Variants in MRTFB observed in about 807,000 individuals in gnomAD.
MRTFB encodes myocardin related transcription factor B.
Under a neutral mutation model 104.2 loss-of-function variants are expected in MRTFB, and 29 were observed. That is an observed-to-expected ratio of 0.28 (90% CI 0.21 to 0.38). The LOEUF (loss-of-function observed/expected upper bound fraction) is 0.38, where lower values mean the gene tolerates loss of function less well. Ranked by LOEUF, MRTFB falls within the 10% of genes least tolerant of loss-of-function variation. The pLI is 1.00. For missense variants in MRTFB, 1,270 were observed against 1,341.6 expected (o/e 0.95, Z 0.83); for synonymous variants, 535 against 519.5 (o/e 1.03, Z -0.41).
intron 2 of MRTFB, among the ~76,000 whole-genome samples, chr16:14,085,038 A>G (rs1329943353): frequency 1.3e-5 from 2 of 152,226 alleles, no homozygotes; most frequent in East Asian, 1.9e-4. Flanking sequence ...CCAGCTACTC[A>G]GGAGAGTGAG....
intron 3 of MRTFB, among the ~76,000 whole-genome samples, chr16:14,159,757 G>A (rs1293987598): frequency 6.6e-6 from 1 of 151,030 alleles, no homozygotes; most frequent in Non-Finnish European, 1.5e-5. Flanking sequence ...GTGAAACCCC[G>A]TCTCTACTAA....
chr16:14,213,057 A>C (rs1398839247), intron 5 of MRTFB, among the ~76,000 whole-genome samples: 7 of 152,230 alleles, frequency 4.6e-5, no homozygotes, highest in Non-Finnish European at 1.0e-4. Flanking sequence ...ATGATTTCTT[A>C]CAGTCTTATA....
At chr16:14,228,723 G>A (rs916515708) in intron 8 of MRTFB, among the ~76,000 whole-genome samples, 32 of 152,160 alleles carry the variant, frequency 2.1e-4, no homozygotes, top group African/African-American at 6.8e-4. Flanking sequence ...ATATTTATAC[G>A]TTGGAATAGT....
At chr16:14,260,423 C>G (rs1164448579) in intron 16 of MRTFB, among the ~76,000 whole-genome samples, 4 of 151,700 alleles carry the variant, frequency 2.6e-5, no homozygotes, top group Non-Finnish European at 5.9e-5. Context: ...CTTCATGTCT[C>G]AGCACAAACT....
chr16:14,134,401 A>T (rs531792185), intron 2 of MRTFB, among the ~76,000 whole-genome samples: 2 of 152,384 alleles, frequency 1.3e-5, no homozygotes, highest in East Asian at 3.9e-4. Flanking sequence ...TATGTAGTGC[A>T]TCTACTACTG....
At chr16:14,211,728 C>A (rs1163128622) in intron 4 of MRTFB, among the ~76,000 whole-genome samples, 1 of 152,138 alleles carries the variant, frequency 6.6e-6, no homozygotes, top group African/African-American at 2.4e-5. Flanking sequence ...GTGAGTTGCA[C>A]TGTGGTATGG....
chr16:14,131,581 T>C (rs1383882543), intron 2 of MRTFB, among the ~76,000 whole-genome samples: 1 of 152,096 alleles, frequency 6.6e-6, no homozygotes, highest in Non-Finnish European at 1.5e-5. Flanking sequence ...TAGACTTACA[T>C]ATAATGAAAG....
At chr16:14,071,573 C>T (rs898042380) in intron 1 of MRTFB, among the ~76,000 whole-genome samples, 1 of 151,892 alleles carries the variant, frequency 6.6e-6, no homozygotes, top group African/African-American at 2.4e-5. Flanking sequence ...GGGCCGGTGC[C>T]TCCTTCAACC....
intron 16 of MRTFB, among the ~76,000 whole-genome samples, chr16:14,258,788 C>T (rs1286645705): frequency 6.6e-6 from 1 of 152,196 alleles, no homozygotes; most frequent in African/African-American, 2.4e-5. Context: ...AATGCTAAAG[C>T]ATTTTCTACA....
At chr16:14,068,237 G>A (rs902615442), upstream of MRTFB, among the ~76,000 whole-genome samples, 3 of 152,162 alleles carry the variant, frequency 2.0e-5, no homozygotes, top group African/African-American at 7.2e-5. Context: ...TCCACCCATG[G>A]TAATAACAGC....
chr16:14,219,721 A>G (rs1055181532), intron 8 of MRTFB, among the ~76,000 whole-genome samples: 3 of 152,204 alleles, frequency 2.0e-5, no homozygotes, highest in Non-Finnish European at 4.4e-5. Context: ...GTTAGGAGCT[A>G]TGTCTTTCAG....
chr16:14,185,472 T>G (rs2151027404), intron 3 of MRTFB, among the ~76,000 whole-genome samples: 1 of 152,346 alleles, frequency 6.6e-6, no homozygotes, highest in East Asian at 1.9e-4. Flanking sequence ...AGAGAAAATG[T>G]GCTTCCTTTA....
chr16:14,125,980 C>A (rs762767), intron 2 of MRTFB, among the ~76,000 whole-genome samples: 17,431 of 152,142 alleles, frequency 0.11, 1,321 homozygotes, highest in East Asian at 0.29. Context: ...TCAAGGACTA[C>A]ACTCAAACTT....
the MRTFB span, among the ~76,000 whole-genome samples, chr16:14,029,122 C>T: frequency 6.6e-6 from 1 of 151,726 alleles, no homozygotes; most frequent in Non-Finnish European, 1.5e-5. Context: ...TAACAAGACC[C>T]TCGTTTCTAC....
At chr16:14,110,173 C>T (rs1010436517) in intron 2 of MRTFB, among the ~76,000 whole-genome samples, 1 of 152,230 alleles carries the variant, frequency 6.6e-6, no homozygotes, top group African/African-American at 2.4e-5. Context: ...GCAAGGCAAG[C>T]TTATCTTCAG....
At chr16:14,121,852 A>G (rs961391794) in intron 2 of MRTFB, among the ~76,000 whole-genome samples, 2 of 152,222 alleles carry the variant, frequency 1.3e-5, no homozygotes, top group South Asian at 2.1e-4. Flanking sequence ...AGCCCTTAAA[A>G]TGTGACAGGT....
chr16:14,026,914 G>A, the MRTFB span, among the ~76,000 whole-genome samples: 2 of 152,160 alleles, frequency 1.3e-5, no homozygotes, highest in Non-Finnish European at 2.9e-5. Flanking sequence ...GTGCTGGAGA[G>A]GATGTAGAAC....
intron 15 of MRTFB, among the ~76,000 whole-genome samples, chr16:14,257,366 C>G (rs1350234906): frequency 1.3e-5 from 2 of 152,046 alleles, no homozygotes; most frequent in African/African-American, 4.8e-5. Context: ...AATGAATAAA[C>G]AAACTGCTGT....
the MRTFB span, among the ~76,000 whole-genome samples, chr16:14,037,422 G>C: frequency 6.6e-6 from 1 of 152,210 alleles, no homozygotes; most frequent in Admixed American, 6.5e-5. Context: ...GAGACACCCA[G>C]ATGGAGCTGT....
Sources: allele counts gnomAD v4.1 joint callset (sites outside exome capture counted in the v4.1 genomes callset), GRCh38; gene constraint gnomAD v4.1.1; transcripts MANE v1.5; gene names NCBI Gene and HGNC (gene_info 2026-07-23, HGNC 2026-07-21).